The following USP30 variants were observed in gnomAD, a reference collection of about 807,000 sequenced individuals.
USP30 encodes the protein ubiquitin carboxyl-terminal hydrolase 30.
A neutral mutation model predicts 68.2 loss-of-function variants in USP30; 41 were observed. The observed-to-expected ratio is 0.60, with a 90% CI of 0.47 to 0.78. The LOEUF (loss-of-function observed/expected upper bound fraction) is 0.78. USP30 is among the 30% of genes least tolerant of loss of function. USP30 has a pLI of 0.00. For missense variants in USP30, 522 were observed against 649.4 expected, an observed-to-expected ratio of 0.80 and a Z score of 2.13; for synonymous variants, 229 against 253.7, an observed-to-expected ratio of 0.90 and a Z score of 0.93.
intron 3 of USP30, chr12:109,047,445 T>C (rs1375080958): frequency 6.6e-6 from 1 of 152,242 alleles, no homozygotes; most frequent in Non-Finnish European, 1.5e-5. Context: ...ATTATTGTTT[T>C]GTTTTGGCCC....
intron 3 of USP30, among the ~76,000 whole-genome samples, chr12:109,039,498 C>T (rs913108018): frequency 6.6e-6 from 1 of 152,090 alleles, no homozygotes; most frequent in Admixed American, 6.6e-5. Context: ...CTATCTGCTG[C>T]CCATGAATGT....
chr12:109,044,742 AAT>A (rs749116434), intron 3 of USP30, among the ~76,000 whole-genome samples: 5 of 152,172 alleles, frequency 3.3e-5, no homozygotes, highest in South Asian at 4.1e-4. Context: ...TGCTGTAATA[AAT>A]ATGTTTATTC....
intron 7 of USP30, among the ~76,000 whole-genome samples, chr12:109,079,353 T>C (rs2041724961): frequency 1.3e-5 from 1 of 79,320 alleles, no homozygotes; most frequent in East Asian, 3.0e-4. Context: ...TTTTTTTTCT[T>C]TTTTTTTTTT....
intron 3 of USP30, among the ~76,000 whole-genome samples, chr12:109,064,345 A>G (rs1001147032): frequency 7.2e-5 from 11 of 152,136 alleles, no homozygotes; most frequent in African/African-American, 2.7e-4. Flanking sequence ...GCTCACTGCA[A>G]TCTCTGCCTC....
intron 8 of USP30, 161 bp downstream of exon 8, chr12:109,081,554 G>A: frequency 1.4e-5 from 11 of 798,222 alleles, no homozygotes; most frequent in Non-Finnish European, 2.2e-5. Context: ...TTATGGGAGA[G>A]AGGAAAATGA....
intron 1 of USP30, among the ~76,000 whole-genome samples, chr12:109,053,486 C>T (rs2040738590): frequency 6.6e-6 from 1 of 152,092 alleles, no homozygotes; most frequent in Non-Finnish European, 1.5e-5. Context: ...TATTCACCCT[C>T]CCAAGGGCTC....
At chr12:109,050,881 C>T (rs1489680025), upstream of USP30, among the ~76,000 whole-genome samples, 1 of 151,982 alleles carries the variant, frequency 6.6e-6, no homozygotes. Context: ...GTGGTGTGCA[C>T]CTGTAATCCC....
At position 109,073,550 on chromosome 12, in the gene USP30, A is replaced by T. The variant is rs751970007; in HGVS notation, c.720+18A>T. On this transcript the variant is annotated intron_variant, in intron 7 of 12. Transcript: ENST00000257548. ...AACACCAGGTAAATACAATACCAAC[A>T]CTTGATATTTCCGGGAGAGGTTTTC... 1 of 1,586,614 alleles carries T rather than the reference A, an allele frequency of 6.3e-7. No individual in the cohort carries two copies. The highest frequency in any genetic ancestry group is 8.7e-7 in the Non-Finnish European group (1 of 1,155,066).
intron 11 of USP30, among the ~76,000 whole-genome samples, chr12:109,084,089 G>T (rs917497856): frequency 6.6e-6 from 1 of 152,180 alleles, no homozygotes; most frequent in Non-Finnish European, 1.5e-5. Flanking sequence ...AGGGCCACTC[G>T]TGGTGGCTCA....
At chr12:109,024,341 T>C (rs1347980235) in intron 1 of USP30, among the ~76,000 whole-genome samples, 2 of 152,042 alleles carry the variant, frequency 1.3e-5, no homozygotes, top group Non-Finnish European at 2.9e-5. Flanking sequence ...CATTGCCACC[T>C]CCACCTTTCA....
chr12:109,052,562 G>A, upstream of USP30: 2 of 1,055,050 alleles, frequency 1.9e-6, no homozygotes, highest in East Asian at 3.3e-5. Context: ...ACGTTCCCCC[G>A]AGGTGCTGGG....
rs929477098 is a variant in USP30 at position 109,072,326 on chromosome 12, A to G, written c.601A>G (p.Lys201Glu). The stretch of plus-strand genomic sequence containing the variant: ...ACAGCAGCAGTCAGAAATAACTCCC[A>G]AACAAATTACCTGCCGCACAAGAGG... ...SLEQQSEITP[K>E]QITCRTRGSP... Residue 201 changes from lysine (K) to glutamate (E), a missense_variant, in exon 6 of 13, where the codon AAA (lysine) becomes GAA (glutamate). Lys to Glu is a moderately conservative substitution (Grantham distance 56, BLOSUM62 1). Transcript: ENST00000257548. 1 of 1,613,788 alleles carries G rather than the reference A, an allele frequency of 6.2e-7. No individual in the cohort carries two copies. The highest frequency in any genetic ancestry group is 8.5e-7 in the Non-Finnish European group (1 of 1,179,834).
intron 3 of USP30, among the ~76,000 whole-genome samples, chr12:109,044,508 G>A (rs576447581): frequency 6.6e-5 from 10 of 151,976 alleles, no homozygotes; most frequent in African/African-American, 2.2e-4. Context: ...ACAAAGGCTC[G>A]TGTCTGTAGT....
chr12:109,050,024 G>A (rs1019637154), upstream of USP30, among the ~76,000 whole-genome samples: 4 of 152,078 alleles, frequency 2.6e-5, no homozygotes, highest in South Asian at 4.1e-4. Context: ...GGCGGGGCAC[G>A]GTGGCTCACA....
chr12:109,070,193 T>C lies in USP30; in HGVS notation c.481-1419T>C, dbSNP rs535543744. ...AGGAAAGGTGGGAGGCCGCTGCAGT[T>C]ATCTGGCCGAGATGGTGTGGCTCAG... On this transcript the variant is annotated intron_variant, in intron 4 of 12. Coordinates refer to ENST00000257548, the MANE Select transcript of USP30 (RefSeq NM_032663.5). This position sits in a 1 kb window ranked among gnomAD's most constrained non-coding sequence, Gnocchi z 4.0. Among the ~76,000 whole-genome samples, 13 of 152,240 alleles carry C rather than the reference T, an allele frequency of 8.5e-5. No individual in the cohort carries two copies. The South Asian group carries it at 2.3e-3, about 27-fold the overall frequency.
intron 3 of USP30, among the ~76,000 whole-genome samples, chr12:109,033,131 T>C (rs2040494536): frequency 6.6e-6 from 1 of 152,204 alleles, no homozygotes; most frequent in African/African-American, 2.4e-5. Context: ...AAAAAATGGA[T>C]TTGTCTTTTT....
chr12:109,041,110 G>A (rs2040561312), intron 3 of USP30, among the ~76,000 whole-genome samples: 3 of 152,278 alleles, frequency 2.0e-5, no homozygotes, highest in East Asian at 1.9e-4. Context: ...AGTCTCTTCA[G>A]TTTAGGACCT....
rs777353054 is a variant in USP30 at position 109,056,685 on chromosome 12, T to C, written c.87T>C (p.Tyr29=). 1.2e-6 allele frequency: 2 copies of C among 1,606,978 alleles called. No individual in the cohort carries two copies. The highest frequency in any genetic ancestry group is 1.3e-5 in the African/African-American group (1 of 74,562). ...GTAAACTTGTTTTCTTTTTTAGATA[T>C]AAAGTCATGAAGAACTGGGGAGTTA... ...RFLRTGAAVR[Y]KVMKNWGVIG... Residue 29 remains tyrosine, a synonymous_variant, in exon 2 of 13, where the codon TAT becomes TAC. Transcript: ENST00000257548.
chr12:109,084,913 A>G, intron 11 of USP30, 40 bp from the exon 12 acceptor site: 4 of 1,515,086 alleles, frequency 2.6e-6, no homozygotes, highest in Non-Finnish European at 3.6e-6. Context: ...TTACAGAGCC[A>G]CTGCTAATTT....
Sources: allele counts gnomAD v4.1 joint callset (sites outside exome capture counted in the v4.1 genomes callset), GRCh38; gene constraint gnomAD v4.1.1; non-coding constraint Gnocchi (gnomAD v3.1); transcripts MANE v1.5; gene names NCBI Gene and HGNC (gene_info 2026-07-23, HGNC 2026-07-21).